NINL: variants seen among roughly 807,000 people sequenced by gnomAD.
The protein encoded by NINL is ninein like, also known as ninein-like protein.
In NINL, 153 loss-of-function variants were observed where a neutral mutation model predicts 160.3. That is an observed-to-expected ratio of 0.95 (90% confidence interval 0.84 to 1.09). The LOEUF is 1.09. Among genes scored for constraint, NINL ranks in the 50% least tolerant of loss-of-function variants. The pLI is 0.00. For synonymous variants in NINL, 800 were observed against 734.8 expected (o/e 1.09, Z -1.43); for missense variants, 1,829 against 1,764.0 (o/e 1.04, Z -0.66).
intron 1 of NINL, among the ~76,000 whole-genome samples, chr20:25,534,310 T>A (rs2147009128): frequency 6.6e-6 from 1 of 152,348 alleles, no homozygotes; most frequent in African/African-American, 2.4e-5. Context: ...CTGCCTTTCT[T>A]GGTAAATTCT....
intron 1 of NINL, among the ~76,000 whole-genome samples, chr20:25,533,458 C>T (rs531012258): frequency 2.0e-5 from 3 of 151,736 alleles, no homozygotes; most frequent in South Asian, 2.1e-4. Context: ...ACAGCAGAAT[C>T]GGAAGACAAG....
intron 1 of NINL, among the ~76,000 whole-genome samples, chr20:25,555,162 T>C (rs1479605261): frequency 6.6e-6 from 1 of 152,164 alleles, no homozygotes; most frequent in Non-Finnish European, 1.5e-5. Flanking sequence ...TGACCCAAAA[T>C]GTAGGCAGTC....
intron 1 of NINL, among the ~76,000 whole-genome samples, chr20:25,534,140 C>T (rs1202092295): frequency 1.3e-5 from 2 of 152,236 alleles, no homozygotes; most frequent in Non-Finnish European, 2.9e-5. Flanking sequence ...CGTTAGCTCA[C>T]TGCAACCTTG....
intron 17 of NINL, among the ~76,000 whole-genome samples, chr20:25,472,366 T>TAC (rs2063125108): frequency 7.9e-6 from 1 of 125,858 alleles, no homozygotes; most frequent in Non-Finnish European, 1.7e-5. Flanking sequence ...TATATATATA[T>TAC]ACTTTTTTTT....
At chr20:25,469,064 G>A (rs371476994) in intron 18 of NINL, among the ~76,000 whole-genome samples, 2 of 143,466 alleles carry the variant, frequency 1.4e-5, no homozygotes, top group South Asian at 2.2e-4. Context: ...ACTCTCACTG[G>A]TGGGTGCCCC....
At chr20:25,477,589 C>T (rs1191441712) in intron 16 of NINL, among the ~76,000 whole-genome samples, 1 of 152,258 alleles carries the variant, frequency 6.6e-6, no homozygotes, top group African/African-American at 2.4e-5. Flanking sequence ...GAAGTGAGAG[C>T]TGGCAAGACC....
chr20:25,524,488 C>T (rs2064319603), intron 2 of NINL, among the ~76,000 whole-genome samples: 1 of 152,156 alleles, frequency 6.6e-6, no homozygotes, highest in Admixed American at 6.5e-5. Flanking sequence ...AGAAAGGGCC[C>T]GGCTCCTGCC....
In NINL at chr20:25,453,393, C is replaced by A; in HGVS notation, c.*58G>T. The A allele has an allele frequency of 6.8e-7, 1 of 1,480,752 alleles. No homozygotes were observed. Among genetic ancestry groups the A allele is most frequent in the Non-Finnish European group, 9.2e-7 (1 of 1,085,062 alleles). 91.7% of individuals were successfully genotyped at this position (1,480,752 alleles called of 1,614,324 possible). ...TCATGACCCACGGAATCTAAGGCAG[C>A]ACAGTGGCTTAATTTAAAAGATGTG... On this transcript the variant is annotated 3_prime_UTR_variant, in exon 24 of 24. Transcript: ENST00000278886.
At chr20:25,485,188 C>A (rs1250781095) in intron 13 of NINL, among the ~76,000 whole-genome samples, 1 of 152,196 alleles carries the variant, frequency 6.6e-6, no homozygotes, top group Non-Finnish European at 1.5e-5. Flanking sequence ...AAGCAGAACT[C>A]GGCCAGCAGG....
Position 25,458,436 on chromosome 20 carries a change from G to A in NINL, c.3790C>T (p.Arg1264Cys), listed in dbSNP as rs560433170. The A allele has an allele frequency of 1.5e-5, 24 of 1,606,132 alleles. No individual in the cohort carries two copies. The highest frequency in any genetic ancestry group is 1.6e-5 in the Non-Finnish European group (19 of 1,179,940). Reference sequence around the variant, plus strand: ...TGCTCTCCCTGAAGGCTGAGCAGGCGATGCAGCTCGGCCACACGGTCCTGG... The same window carrying A: ...TGCTCTCCCTGAAGGCTGAGCAGGCAATGCAGCTCGGCCACACGGTCCTGG... ...VPQDRVAELH[R>C]LLSLQGEQAR... The change falls in exon 22 of 24, where the codon CGC becomes TGC. Residue 1264 changes from arginine (R) to cysteine (C), a missense_variant. By Grantham distance (180) the Arg-to-Cys change is radical (BLOSUM62 -3). Transcript: ENST00000278886.
intron 11 of NINL, among the ~76,000 whole-genome samples, 178 bp from the exon 12 acceptor site, chr20:25,490,163 C>T (rs1172322738): frequency 6.6e-6 from 1 of 152,230 alleles, no homozygotes; most frequent in Non-Finnish European, 1.5e-5. Context: ...CCCCACCCTC[C>T]CAGGACAGAC....
chr20:25,463,936 G>A (rs945934195), intron 19 of NINL, among the ~76,000 whole-genome samples: 7 of 152,212 alleles, frequency 4.6e-5, no homozygotes, highest in Admixed American at 3.9e-4. Flanking sequence ...TGGCAGTTGT[G>A]TATGGTATAG....
Position 25,500,947 on chromosome 20 carries a change from G to C in NINL, c.925C>G (p.Leu309Val), listed in dbSNP as rs2063855629. The change falls in exon 8 of 24, where the codon CTG becomes GTG. Residue 309 changes from leucine (L) to valine (V), a missense_variant. Leu to Val is a conservative substitution (Grantham distance 32). Coordinates refer to ENST00000278886, the MANE Select transcript of NINL (RefSeq NM_025176.6). ...TSSLVSLCSS[L>V]RLFSSIDDGS... ...TCGTCAATGCTGGAGAAGAGGCGCA[G>C]GCTGGAGCACAGGGACACGAGGGAT... The C allele has an allele frequency of 6.2e-7, 1 of 1,614,088 alleles. No individual in the cohort carries two copies. The highest frequency in any genetic ancestry group is 1.3e-5 in the African/African-American group (1 of 74,940).
intron 16 of NINL, among the ~76,000 whole-genome samples, chr20:25,477,601 C>T (rs1488203866): frequency 1.3e-5 from 2 of 152,258 alleles, no homozygotes; most frequent in Non-Finnish European, 2.9e-5. Context: ...GGCAAGACCA[C>T]AGCACCAGAA....
At chr20:25,509,839 A>C (rs2064035403) in intron 5 of NINL, 10 of 396,480 alleles carry the variant, frequency 2.5e-5, no homozygotes, top group Non-Finnish European at 4.9e-5. Context: ...TCAAGGAAGT[A>C]TTATAGGCAA....
chr20:25,488,727 T>C (rs748288174), intron 13 of NINL, among the ~76,000 whole-genome samples: 1 of 152,106 alleles, frequency 6.6e-6, no homozygotes, highest in Non-Finnish European at 1.5e-5. Context: ...TTCCCCAAAA[T>C]AGGCTATTTA....
chr20:25,474,933 G>A (rs573401635), intron 17 of NINL, among the ~76,000 whole-genome samples: 9 of 151,640 alleles, frequency 5.9e-5, no homozygotes, highest in African/African-American at 9.7e-5. Flanking sequence ...GATTACAGGC[G>A]CACGCCACCA....
rs1292065775 is a variant in NINL at position 25,496,648 on chromosome 20, G to A, written c.1310+15C>T. 1 of 1,603,844 alleles carries A rather than the reference G, an allele frequency of 6.2e-7. No individual in the cohort carries two copies. Among genetic ancestry groups the A allele is most frequent in the Non-Finnish European group, 8.5e-7 (1 of 1,178,500 alleles). The stretch of plus-strand genomic sequence containing the variant: ...AGGCCCAGGTAAGAATCCACCACCT[G>A]GGCCCAGAACCCACTTGATTTTCTT... On this transcript the variant is annotated intron_variant, in intron 10 of 23. Transcript: ENST00000278886.
In NINL at chr20:25,504,001, A is replaced by C; in HGVS notation, c.812T>G (p.Leu271Arg). The C allele has an allele frequency of 6.2e-7, 1 of 1,614,098 alleles. No homozygotes were observed. Among genetic ancestry groups the C allele is most frequent in the Non-Finnish European group, 8.5e-7 (1 of 1,179,982 alleles). ...GLFSHEPALL[L>R]ESSTRVKPSK... ...CGGTTTAACCCGAGTGGAAGACTCT[A>C]GAAGTAGCGCGGGCTCATGACTGAA... The change falls in exon 7 of 24, where the codon CTA becomes CGA. Residue 271 changes from leucine to arginine, a missense_variant. Transcript: ENST00000278886.
Sources: gnomAD v4.1 joint callset for allele counts (sites outside exome capture counted in the v4.1 genomes callset) on GRCh38, gnomAD v4.1.1 for gene constraint, MANE v1.5 for transcripts, NCBI Gene and HGNC (gene_info 2026-07-23, HGNC 2026-07-21) for gene names.